DPYD: variants seen among roughly 807,000 people sequenced by gnomAD.
DPYD encodes the protein dihydropyrimidine dehydrogenase [NADP(+)].
In DPYD, 109 loss-of-function variants were observed where a neutral mutation model predicts 116.2. The ratio of observed to expected loss-of-function variants is 0.94; its 90% CI spans 0.80 to 1.10. The LOEUF (loss-of-function observed/expected upper bound fraction) is 1.10. DPYD is among the 50% of genes least tolerant of loss of function. The pLI, the probability that DPYD is intolerant of heterozygous loss-of-function variation, is 0.00. For missense variants in DPYD, 1,302 were observed against 1,254.5 expected, an observed-to-expected ratio of 1.04 and a Z score of -0.57; for synonymous variants, 440 against 432.0, an observed-to-expected ratio of 1.02 and a Z score of -0.23.
At chr1:97,333,596 C>A (rs1669138861) in intron 16 of DPYD, among the ~76,000 whole-genome samples, 1 of 146,598 alleles carries the variant, frequency 6.8e-6, no homozygotes, top group Non-Finnish European at 1.5e-5. Flanking sequence ...TCTCAGCTCA[C>A]TGCAATCTCC....
intron 13 of DPYD, among the ~76,000 whole-genome samples, chr1:97,482,147 G>A (rs1270524542): frequency 6.6e-6 from 1 of 152,098 alleles, no homozygotes; most frequent in African/African-American, 2.4e-5. Context: ...AGGAGTCTAA[G>A]GGGTATATAT....
intron 18 of DPYD, among the ~76,000 whole-genome samples, chr1:97,251,574 G>A (rs948743821): frequency 1.6e-4 from 25 of 152,008 alleles, no homozygotes; most frequent in African/African-American, 6.0e-4. Flanking sequence ...GTTAATGTTC[G>A]TAATCTCCAT....
chr1:97,843,496 C>T (rs1270534950), intron 2 of DPYD, among the ~76,000 whole-genome samples: 1 of 152,096 alleles, frequency 6.6e-6, no homozygotes, highest in Admixed American at 6.5e-5. Context: ...CTGAACAATC[C>T]CCAGTGGACA....
chr1:97,579,828 C>T (rs890410570), intron 10 of DPYD, among the ~76,000 whole-genome samples: 2 of 152,198 alleles, frequency 1.3e-5, no homozygotes, highest in Admixed American at 6.5e-5. Context: ...CCATTTTTTA[C>T]ATTTGACAAA....
At chr1:97,433,473 G>C (rs892940241) in intron 14 of DPYD, among the ~76,000 whole-genome samples, 9 of 152,148 alleles carry the variant, frequency 5.9e-5, no homozygotes, top group African/African-American at 2.2e-4. Context: ...TGCTCTCCTT[G>C]TCACTTTCTG....
At chr1:97,580,995 G>A (rs1653622013) in intron 10 of DPYD, among the ~76,000 whole-genome samples, 1 of 152,056 alleles carries the variant, frequency 6.6e-6, no homozygotes, top group South Asian at 2.1e-4. Context: ...TGCTAAAACT[G>A]CACTTTATGG....
At chr1:97,785,852 C>T (rs1293567074) in intron 3 of DPYD, among the ~76,000 whole-genome samples, 3 of 151,412 alleles carry the variant, frequency 2.0e-5, no homozygotes, top group Non-Finnish European at 2.9e-5. Flanking sequence ...GCCACCACGC[C>T]CAGCTAATTT....
At chr1:97,162,371 C>T (rs1344399262) in intron 20 of DPYD, among the ~76,000 whole-genome samples, 1 of 152,062 alleles carries the variant, frequency 6.6e-6, no homozygotes, top group Non-Finnish European at 1.5e-5. Context: ...GAGTGAACTC[C>T]CATTCACAAT....
intron 14 of DPYD, among the ~76,000 whole-genome samples, chr1:97,395,903 T>C (rs1446450412): frequency 2.6e-5 from 4 of 152,006 alleles, no homozygotes; most frequent in Non-Finnish European, 5.9e-5. Context: ...GAGGCTGACC[T>C]AGATTAGCCA....
chr1:97,741,344 G>C (rs1664261828), intron 3 of DPYD, among the ~76,000 whole-genome samples: 1 of 152,050 alleles, frequency 6.6e-6, no homozygotes, highest in Non-Finnish European at 1.5e-5. Flanking sequence ...TCCTCTCCGG[G>C]GGACTGGCCA....
intron 8 of DPYD, among the ~76,000 whole-genome samples, chr1:97,663,606 C>A (rs1659388963): frequency 6.6e-6 from 1 of 152,176 alleles, no homozygotes; most frequent in Non-Finnish European, 1.5e-5. Context: ...ACAGTGCGAC[C>A]AAACCTATCT....
At chr1:97,189,707 T>G (rs927787414) in intron 20 of DPYD, among the ~76,000 whole-genome samples, 23 of 152,172 alleles carry the variant, frequency 1.5e-4, no homozygotes, top group Non-Finnish European at 2.6e-4. Flanking sequence ...CACAAGCCCA[T>G]AGTTAAAACC....
At chr1:97,642,904 A>T (rs1429011577) in intron 8 of DPYD, among the ~76,000 whole-genome samples, 1 of 151,614 alleles carries the variant, frequency 6.6e-6, no homozygotes, top group Non-Finnish European at 1.5e-5. Context: ...AAATTAAATT[A>T]AATTAAATTA....
At chr1:97,546,426 TAG>T in intron 12 of DPYD, 1 of 1,582,804 alleles carries the variant, frequency 6.3e-7, no homozygotes. Flanking sequence ...AAGAAACCAA[TAG>T]AGATTCCTGA....
intron 14 of DPYD, among the ~76,000 whole-genome samples, chr1:97,414,596 C>T (rs897239537): frequency 2.6e-5 from 4 of 152,210 alleles, no homozygotes; most frequent in African/African-American, 9.6e-5. Context: ...CTTCTAAATA[C>T]ACTCTTGCCT....
chr1:97,626,853 T>C (rs1213240575), intron 8 of DPYD, among the ~76,000 whole-genome samples: 1 of 152,104 alleles, frequency 6.6e-6, no homozygotes, highest in Non-Finnish European at 1.5e-5. Flanking sequence ...AGTCTTTCTT[T>C]CTTTTTTTTC....
chr1:97,363,910 C>T (rs184120265), intron 16 of DPYD, among the ~76,000 whole-genome samples: 4 of 152,154 alleles, frequency 2.6e-5, no homozygotes, highest in Non-Finnish European at 5.9e-5. Context: ...CGTAACAAAC[C>T]TGCACGTTGT....
At chr1:97,552,246 T>A (rs1200951029) in intron 11 of DPYD, among the ~76,000 whole-genome samples, 1 of 152,140 alleles carries the variant, frequency 6.6e-6, no homozygotes, top group Non-Finnish European at 1.5e-5. Flanking sequence ...ATTTGAATCT[T>A]CACTTGAGCA....
At chr1:97,464,922 C>T (rs1219132133) in intron 13 of DPYD, among the ~76,000 whole-genome samples, 1 of 152,154 alleles carries the variant, frequency 6.6e-6, no homozygotes, top group Non-Finnish European at 1.5e-5. Flanking sequence ...GATCCTCCGA[C>T]AGCTTGCACC....
Sources: gnomAD v4.1 joint callset for allele counts (sites outside exome capture counted in the v4.1 genomes callset) on GRCh38, gnomAD v4.1.1 for gene constraint, MANE v1.5 for transcripts, NCBI Gene and HGNC (gene_info 2026-07-23, HGNC 2026-07-21) for gene names.